The following SGCA variants were observed in gnomAD, a reference collection of about 807,000 sequenced individuals.
SGCA encodes alpha-sarcoglycan.
A neutral mutation model predicts 38.1 loss-of-function variants in SGCA; 34 were observed. The ratio of observed to expected loss-of-function variants is 0.89; its 90% CI spans 0.68 to 1.19. SGCA has a LOEUF of 1.19. Ranked by LOEUF, SGCA falls within the 50% of genes most tolerant of loss-of-function variation. The pLI is 0.00. For synonymous variants in SGCA, 209 were observed against 214.6 expected (o/e 0.97, Z 0.23); for missense variants, 476 against 524.9 (o/e 0.91, Z 0.91).
Position 50,175,287 on chromosome 17 carries a change from C to T in SGCA, c.1014C>T (p.His338=), listed in dbSNP as rs1273697097. ...AGATGGTCCACCACTGCACCATCCA[C>T]GGGAACACAGAGGAGCTGCGGCAGA... ...DIQMVHHCTI[H]GNTEELRQMA... is the part of the protein sequence containing the mutation. Residue 338 remains histidine (H), a synonymous_variant, in exon 9 of 10, where the codon CAC becomes CAT. Transcript: ENST00000262018. The T allele has an allele frequency of 9.3e-6, 15 of 1,607,652 alleles. No individual in the cohort carries two copies. The highest frequency in any genetic ancestry group is 1.3e-5 in the African/African-American group (1 of 74,888).
chr17:50,168,784 T>C (rs991995147), intron 5 of SGCA, among the ~76,000 whole-genome samples: 3 of 152,022 alleles, frequency 2.0e-5, no homozygotes, highest in Non-Finnish European at 4.4e-5. Flanking sequence ...CTGTACTTCC[T>C]GGTGCCTCAT....
intron 4 of SGCA, among the ~76,000 whole-genome samples, 161 bp from the exon 5 acceptor site, chr17:50,168,213 G>A (rs1396592301): frequency 1.3e-5 from 2 of 152,214 alleles, no homozygotes; most frequent in African/African-American, 2.4e-5. Context: ...TACTCGCTGC[G>A]TTGCAGAGAC....
intron 6 of SGCA, chr17:50,169,778 A>G (rs1342300674): frequency 7.3e-6 from 3 of 410,902 alleles, no homozygotes; most frequent in Non-Finnish European, 1.4e-5. Context: ...CAGAGCAGGG[A>G]CTCATTCAGG....
chr17:50,172,206 G>A lies in SGCA; in HGVS notation c.983+1540G>A, dbSNP rs200189699. The A allele has an allele frequency of 3.0e-4, 135 of 457,090 alleles. 1 individual carries two copies. In the Middle Eastern group the frequency reaches 3.6e-3, roughly 12 times the overall value. 28.3% of individuals were successfully genotyped at this position (457,090 alleles called of 1,614,324 possible). A position where few individuals can be genotyped will look rare whatever the true frequency, so the allele number is the denominator to read the frequency against. On this transcript the variant is annotated intron_variant, in intron 8 of 9. Coordinates refer to ENST00000262018, the MANE Select transcript of SGCA (RefSeq NM_000023.4). ...TGTGGCCAGAAAGAGGATCAAGGAC[G>A]GTCACCCACGGCTGGCCTCCACAGA... is the stretch of plus-strand genomic sequence containing the variant.
At chr17:50,166,269 G>A (rs1474407770) in intron 1 of SGCA, 192 bp downstream of exon 1, 1 of 626,704 alleles carries the variant, frequency 1.6e-6, no homozygotes, top group Non-Finnish European at 2.9e-6. Flanking sequence ...TGGGCTCTGG[G>A]ATGAAGGGGC....
rs1360137361 is a variant in SGCA at position 50,166,735 on chromosome 17, A to G, written c.38-633A>G. Among the ~76,000 whole-genome samples the G allele has an allele frequency of 1.9e-4, 15 of 77,682 alleles. No homozygotes were observed. The East Asian group carries it at 6.9e-3, about 36-fold the overall frequency. The allele number at this position is 77,682 out of a possible 152,430, so 51.0% of individuals were successfully genotyped here. A position where few individuals can be genotyped will look rare whatever the true frequency, so the allele number is the denominator to read the frequency against. On this transcript the variant is annotated intron_variant, in intron 1 of 9. Transcript: ENST00000262018. Reference sequence around the variant, plus strand: ...CCCTCACACACACACCCTCACACACACCCTCACACACCCTCACACACCCTC... The same window carrying G: ...CCCTCACACACACACCCTCACACACGCCCTCACACACCCTCACACACCCTC...
intron 8 of SGCA, chr17:50,175,038 C>G (rs1372338550): frequency 1.7e-6 from 1 of 599,090 alleles, no homozygotes; most frequent in African/African-American, 1.8e-5. Context: ...CTCAAGTGAT[C>G]TGCCTGCCTT....
rs570716848 is a variant in SGCA, at chr17:50,166,263, C to A, written c.37+186C>A. 41 of 633,514 alleles carry A rather than the reference C, an allele frequency of 6.5e-5. No individual in the cohort carries two copies. In the East Asian group the frequency reaches 8.2e-4, roughly 13 times the overall value. 39.2% of individuals were successfully genotyped at this position (633,514 alleles called of 1,614,324 possible). A position where few individuals can be genotyped will look rare whatever the true frequency, so the allele number is the denominator to read the frequency against. ...CCAGGGAATGGGGCTGGGAGCTGGG[C>A]TCTGGGATGAAGGGGCTGGGAGCTC... On this transcript the variant is annotated intron_variant, in intron 1 of 9. Transcript: ENST00000262018.
In SGCA at chr17:50,170,628, A is replaced by T. The variant is rs750403766; in HGVS notation, c.957-12A>T. The stretch of plus-strand genomic sequence containing the variant: ...CAGAGCTGGGCTAACCCTCTCCTTC[A>T]CTTTTCCACAGGCTGAAGAGAGACC... On this transcript the variant is annotated splice_polypyrimidine_tract_variant and intron_variant, in intron 7 of 9. Transcript: ENST00000262018. The T allele has an allele frequency of 1.3e-6, 2 of 1,559,384 alleles. No individual in the cohort carries two copies. The highest frequency in any genetic ancestry group is 1.7e-6 in the Non-Finnish European group (2 of 1,150,550).
chr17:50,173,673 C>T lies in SGCA; in HGVS notation c.984-1584C>T, dbSNP rs185621631. 7.5e-3 allele frequency among the ~76,000 whole-genome samples: 1,141 copies of T among 152,332 alleles called. 6 individuals carry two copies. Among genetic ancestry groups the T allele is most frequent in the Non-Finnish European group, 9.3e-3 (632 of 68,030 alleles). On this transcript the variant is annotated intron_variant, in intron 8 of 9. Transcript: ENST00000262018. The stretch of plus-strand genomic sequence containing the variant: ...CCAGCTGTCTCTATCTCAGCATCCA[C>T]ACACTGGTTGCTTTCTTTCCCCTCA...
At chr17:50,169,999 T>C (rs1905240833) in intron 6 of SGCA, 144 bp from the exon 7 acceptor site, 6 of 725,826 alleles carry the variant, frequency 8.3e-6, no homozygotes, top group Non-Finnish European at 1.5e-5. Context: ...GGTCAGACCC[T>C]AGAGCTGTGC....
chr17:50,169,788 G>T, intron 6 of SGCA: 1 of 420,534 alleles, frequency 2.4e-6, no homozygotes, highest in Non-Finnish European at 4.5e-6. Context: ...ACTCATTCAG[G>T]GTCCACAGCC....
intron 7 of SGCA, 131 bp downstream of exon 7, chr17:50,170,482 G>T: frequency 7.4e-7 from 1 of 1,358,838 alleles, no homozygotes; most frequent in South Asian, 1.2e-5. Context: ...GGAGTGTGGG[G>T]CCCCTTTCTA....
chr17:50,171,611 G>A (rs866371591), intron 8 of SGCA: 3 of 456,678 alleles, frequency 6.6e-6, no homozygotes, highest in Non-Finnish European at 8.8e-6. Flanking sequence ...CCAAAGGGGC[G>A]CTGCCCAGAG....
In SGCA at chr17:50,175,306, C is replaced by A. The variant is rs1261183857; in HGVS notation, c.1033C>A (p.Arg345=). ...CATCCACGGGAACACAGAGGAGCTG[C>A]GGCAGATGGCGGCCAGCCGCGAGGT... The part of the protein sequence containing the change: ...CTIHGNTEEL[R]QMAASREVPR... The change falls in exon 9 of 10, where the codon CGG becomes AGG. Residue 345 remains arginine, a synonymous_variant. Coordinates refer to ENST00000262018, the MANE Select transcript of SGCA (RefSeq NM_000023.4). 1 of 1,608,046 alleles carries A rather than the reference C, an allele frequency of 6.2e-7. No homozygotes were observed. The highest frequency in any genetic ancestry group is 8.5e-7 in the Non-Finnish European group (1 of 1,178,156).
At position 50,170,119 on chromosome 17, in the gene SGCA, G is replaced by A. The variant is rs372521553; in HGVS notation, c.748-24G>A. The A allele has an allele frequency of 4.8e-5, 78 of 1,609,156 alleles. No homozygotes were observed. The East Asian group carries it at 7.1e-4, about 15-fold the overall frequency. ...CTGTGTCCAGCCAGCCACTTCCTGC[G>A]TCAGCCCTGAGCTCTCTGTGCAGGT... On this transcript the variant is annotated intron_variant, in intron 6 of 9. Transcript: ENST00000262018.
In SGCA at chr17:50,168,537, C is replaced by T. The variant is rs1300286751; in HGVS notation, c.549C>T (p.Gly183=). 7.6e-6 allele frequency: 12 copies of T among 1,574,644 alleles called. No homozygotes were observed. The highest frequency in any genetic ancestry group is 1.0e-5 in the Non-Finnish European group (12 of 1,159,424). The part of the protein sequence containing the change: ...LNVTSALDRG[G]RVPLPIEGRK... ...TCACCTCTGCCTTGGACCGTGGGGG[C>T]CGTGTCCCCCTTCCCATTGAGGGCC... is the stretch of plus-strand genomic sequence containing the variant. Residue 183 remains glycine, a synonymous_variant, in exon 5 of 10, where the codon GGC becomes GGT. Coordinates refer to ENST00000262018, the MANE Select transcript of SGCA (RefSeq NM_000023.4).
chr17:50,167,437 T>A lies in SGCA; in HGVS notation c.107T>A (p.Phe36Tyr). 1 of 1,614,114 alleles carries A rather than the reference T, an allele frequency of 6.2e-7. No individual in the cohort carries two copies. The highest frequency in any genetic ancestry group is 8.5e-7 in the Non-Finnish European group (1 of 1,180,012). Residue 36 changes from phenylalanine to tyrosine, a missense_variant, in exon 2 of 10, where the codon TTT becomes TAT. Transcript: ENST00000262018. The surrounding 1 kb of genome is among the most constrained non-coding windows in gnomAD (Gnocchi z 4.5). ...TTLHPLVGRV[F>Y]VHTLDHETFL... ...CTACACCCACTTGTGGGCCGTGTCT[T>A]TGTGCACACCTTGGACCATGAGACG... is the stretch of plus-strand genomic sequence containing the variant.
intron 6 of SGCA, chr17:50,169,546 CTA>C: frequency 2.1e-6 from 1 of 484,468 alleles, no homozygotes; most frequent in South Asian, 2.6e-5. Context: ...AGGTCAACAG[CTA>C]TATCACAGTC....
Sources: gnomAD v4.1 joint callset for allele counts (sites outside exome capture counted in the v4.1 genomes callset) on GRCh38, gnomAD v4.1.1 for gene constraint, Gnocchi (gnomAD v3.1) non-coding constraint, MANE v1.5 for transcripts, NCBI Gene and HGNC (gene_info 2026-07-23, HGNC 2026-07-21) for gene names.